The following FRYL variants were observed in gnomAD, a reference collection of about 807,000 sequenced individuals.
FRYL encodes the protein FRY like transcription coactivator.
In FRYL, 150 loss-of-function variants were observed where a neutral mutation model predicts 351.2. That is an observed-to-expected ratio of 0.43 (90% CI 0.37 to 0.49). The LOEUF is 0.49. Ranked by LOEUF, FRYL falls within the 20% of genes least tolerant of loss-of-function variation. The pLI is 0.00. For synonymous variants in FRYL, 1,153 were observed against 1,257.1 expected (o/e 0.92, Z 1.75); for missense variants, 3,036 against 3,619.3 (o/e 0.84, Z 4.13).
intron 23 of FRYL, among the ~76,000 whole-genome samples, chr4:48,578,117 C>T (rs372869608): frequency 2.4e-4 from 36 of 151,660 alleles, no homozygotes; most frequent in Middle Eastern, 3.4e-3. Context: ...AGGTATCCTA[C>T]GCTCATGTGA....
At position 48,499,555 on chromosome 4, in the gene FRYL, A is replaced by G; in HGVS notation, c.8909T>C (p.Leu2970Pro). The change falls in exon 64 of 64, where the codon CTG becomes CCG. Residue 2970 changes from leucine to proline, a missense_variant. Physicochemically the swap from Leu to Pro is moderately conservative, Grantham distance 98. This residue lies in a region of FRYL where 1,987 missense variants were observed against 2,311.7 expected (regional missense o/e 0.86). Coordinates refer to ENST00000358350, the MANE Select transcript of FRYL (RefSeq NM_015030.2). Reference sequence around the variant, plus strand: ...TTTGTAGTTGGCTTCTGACATGTCCAGGTTAGAGCCTATAACTGCAAAGCT... The same window carrying G: ...TTTGTAGTTGGCTTCTGACATGTCCGGGTTAGAGCCTATAACTGCAAAGCT... ...TGSFAVIGSN[L>P]DMSEANYKLM... is the part of the protein sequence containing the mutation. 6.2e-7 allele frequency: 1 copy of G among 1,614,126 alleles called. No individual in the cohort carries two copies. The highest frequency in any genetic ancestry group is 8.5e-7 in the Non-Finnish European group (1 of 1,179,998).
intron 24 of FRYL, 146 bp downstream of exon 24, chr4:48,575,884 G>A: frequency 6.6e-6 from 4 of 601,610 alleles, no homozygotes; most frequent in South Asian, 2.7e-5. Flanking sequence ...GCAATGATGG[G>A]CTTTCTTGAG....
chr4:48,684,263 T>C (rs184650019), intron 3 of FRYL, among the ~76,000 whole-genome samples: 3 of 152,336 alleles, frequency 2.0e-5, no homozygotes, highest in Non-Finnish European at 4.4e-5. Context: ...AAGGGAAATA[T>C]ACTCTCACAG....
intron 2 of FRYL, among the ~76,000 whole-genome samples, chr4:48,691,718 T>G (rs1046972036): frequency 6.6e-6 from 1 of 152,136 alleles, no homozygotes; most frequent in African/African-American, 2.4e-5. Context: ...GAAATAAAAA[T>G]TCCTCATAAT....
chr4:48,524,961 T>C (rs1236028230), intron 53 of FRYL, among the ~76,000 whole-genome samples: 11 of 151,880 alleles, frequency 7.2e-5, no homozygotes, highest in East Asian at 3.9e-4. Flanking sequence ...TTTAACCTAT[T>C]CCACTCCGTT....
rs1776521490 is a variant in FRYL at position 48,780,131 on chromosome 4, C to G, written c.-437G>C. 6.4e-6 allele frequency: 1 copy of G among 155,088 alleles called. No individual in the cohort carries two copies. The highest frequency in any genetic ancestry group is 2.0e-4 in the South Asian group (1 of 4,900). The allele number at this position is 155,088 out of a possible 1,614,324, so 9.6% of individuals were successfully genotyped here. On this transcript the variant is annotated 5_prime_UTR_variant, in exon 1 of 64. Coordinates refer to ENST00000358350, the MANE Select transcript of FRYL (RefSeq NM_015030.2). ...GCTCCTCCAGCGCCGCCGGTCCCCG[C>G]CCTCGGGCCCCTGGCTCCGTTCTCT...
At chr4:48,632,104 A>ATATATATATATGTATG (rs1553957630) in intron 4 of FRYL, among the ~76,000 whole-genome samples, 2 of 49,924 alleles carry the variant, frequency 4.0e-5, no homozygotes, top group Non-Finnish European at 4.4e-5. Flanking sequence ...ATATATATAT[A>ATATATATATATGTATG]TATATATATA....
intron 55 of FRYL, among the ~76,000 whole-genome samples, chr4:48,516,652 A>C (rs908505559): frequency 3.3e-5 from 5 of 152,318 alleles, no homozygotes; most frequent in African/African-American, 1.2e-4. Flanking sequence ...TCATATGTAA[A>C]ACTCATCTAT....
At position 48,549,500 on chromosome 4, in the gene FRYL, G is replaced by A. The variant is rs759904999; in HGVS notation, c.4757C>T (p.Thr1586Met). The A allele has an allele frequency of 1.9e-5, 30 of 1,612,696 alleles. No individual in the cohort carries two copies. Among genetic ancestry groups the A allele is most frequent in the Non-Finnish European group, 2.3e-5 (27 of 1,179,330 alleles). The change falls in exon 39 of 64, where the codon ACG becomes ATG. Residue 1586 changes from threonine (T) to methionine (M), a missense_variant. This residue lies in a region of FRYL where 1,987 missense variants were observed against 2,311.7 expected (regional missense o/e 0.86). Transcript: ENST00000358350. The surrounding 1 kb of genome is among the most constrained non-coding windows in gnomAD (Gnocchi z 4.2). ...WSPLVDYVPETSSPGLPLHRC... is the reference protein window; with the variant it reads ...WSPLVDYVPEMSSPGLPLHRC... ...GTGAAGAGGTAATCCAGGTGATGAC[G>A]TTTCAGGCACGTAATCCACCAGTGG... is the stretch of plus-strand genomic sequence containing the variant.
intron 16 of FRYL, among the ~76,000 whole-genome samples, chr4:48,592,460 C>T (rs1229819994): frequency 2.6e-5 from 4 of 151,880 alleles, no homozygotes; most frequent in Non-Finnish European, 5.9e-5. Context: ...AACCACCTCC[C>T]CCACAGAAAA....
At chr4:48,649,385 A>G (rs1757194538) in intron 3 of FRYL, among the ~76,000 whole-genome samples, 1 of 152,228 alleles carries the variant, frequency 6.6e-6, no homozygotes, top group South Asian at 2.1e-4. Flanking sequence ...TAAGAAGGTC[A>G]ATCTATTTTA....
rs1471273090 is a variant in FRYL at position 48,587,001 on chromosome 4, CAG to C, written c.1641-275_1641-274del. The stretch of plus-strand genomic sequence containing the variant: ...CATTATTACATAACAAATATTTAAA[CAG>C]ATTATTTATAATTAATCTTATTAAT... On this transcript the variant is annotated intron_variant, in intron 18 of 63. Coordinates refer to ENST00000358350, the MANE Select transcript of FRYL (RefSeq NM_015030.2). Among the ~76,000 whole-genome samples the C allele has an allele frequency of 4.0e-5, 6 of 151,730 alleles. No homozygotes were observed. The East Asian group carries it at 1.2e-3, about 29-fold the overall frequency.
At chr4:48,578,728 C>A (rs573803877) in intron 23 of FRYL, among the ~76,000 whole-genome samples, 24 of 152,248 alleles carry the variant, frequency 1.6e-4, no homozygotes, top group Non-Finnish European at 1.8e-4. Flanking sequence ...CAACTATGTA[C>A]CAAGTACAGT....
chr4:48,678,546 ATTGATCAGTAC>A (rs1764132595), intron 3 of FRYL, among the ~76,000 whole-genome samples: 1 of 149,852 alleles, frequency 6.7e-6, no homozygotes. Flanking sequence ...GAGAGAAGGA[ATTGATCAGTAC>A]AAGTACATTG....
In FRYL at chr4:48,549,673, T is replaced by C. The variant is rs1560583859; in HGVS notation, c.4634-50A>G. 1 of 1,489,730 alleles carries C rather than the reference T, an allele frequency of 6.7e-7. No individual in the cohort carries two copies. Among genetic ancestry groups the C allele is most frequent in the Non-Finnish European group, 9.2e-7 (1 of 1,081,832 alleles). The allele number at this position is 1,489,730 out of a possible 1,614,324, so 92.3% of individuals were successfully genotyped here. ...TTCTACACCATCTAATTTCTGCCAA[T>C]ATAAGCAAACTCTAGTAAGATCCCA... is the stretch of plus-strand genomic sequence containing the variant. On this transcript the variant is annotated intron_variant, in intron 38 of 63. Coordinates refer to ENST00000358350, the MANE Select transcript of FRYL (RefSeq NM_015030.2). This position sits in a 1 kb window ranked among gnomAD's most constrained non-coding sequence, Gnocchi z 4.2.
chr4:48,596,297 C>T (rs907601403), intron 13 of FRYL, among the ~76,000 whole-genome samples: 28 of 152,012 alleles, frequency 1.8e-4, no homozygotes, highest in African/African-American at 6.8e-4. Flanking sequence ...AACAAACTTA[C>T]TTGATGATGA....
chr4:48,693,699 C>CA (rs1765873631), intron 2 of FRYL, among the ~76,000 whole-genome samples: 1 of 151,826 alleles, frequency 6.6e-6, no homozygotes, highest in Admixed American at 6.6e-5. Flanking sequence ...TAGAATCTCT[C>CA]AATTATATTT....
At chr4:48,592,428 C>A (rs1261558656) in intron 16 of FRYL, among the ~76,000 whole-genome samples, 2 of 151,892 alleles carry the variant, frequency 1.3e-5, no homozygotes, top group Admixed American at 6.5e-5. Flanking sequence ...ATAATCCTAA[C>A]AAAGTAAACC....
intron 2 of FRYL, among the ~76,000 whole-genome samples, chr4:48,693,617 C>G (rs1399338444): frequency 6.9e-6 from 1 of 145,276 alleles, no homozygotes; most frequent in Non-Finnish European, 1.5e-5. Flanking sequence ...AATAATTCAG[C>G]GATTTAAAAA....
Sources: gnomAD v4.1 joint callset for allele counts (sites outside exome capture counted in the v4.1 genomes callset) on GRCh38, gnomAD v4.1.1 for gene constraint, gnomAD v4.1.1 regional missense constraint, Gnocchi (gnomAD v3.1) non-coding constraint, MANE v1.5 for transcripts, NCBI Gene and HGNC (gene_info 2026-07-23, HGNC 2026-07-21) for gene names.